PTPN14: variants seen among roughly 807,000 people sequenced by gnomAD.
PTPN14 encodes the protein protein tyrosine phosphatase non-receptor type 14, also known as tyrosine-protein phosphatase non-receptor type 14.
PTPN14 carries 53 observed loss-of-function variants against 126.8 expected under a neutral mutation model. The observed-to-expected ratio is 0.42, with a 90% CI of 0.34 to 0.53. The LOEUF is 0.53. Ranked by LOEUF, PTPN14 falls within the 20% of genes least tolerant of loss-of-function variation. The probability of loss-of-function intolerance (pLI) is 0.08; values close to 1 mark genes in which losing one functional copy is unlikely to be tolerated. For missense variants in PTPN14, 1,257 were observed against 1,552.9 expected (o/e 0.81, Z 3.20); for synonymous variants, 630 against 599.3 (o/e 1.05, Z -0.75).
intron 3 of PTPN14, among the ~76,000 whole-genome samples, chr1:214,447,317 C>G (rs1660167707): frequency 6.6e-6 from 1 of 152,150 alleles, no homozygotes; most frequent in African/African-American, 2.4e-5. Flanking sequence ...TTCCCAAAGG[C>G]TCTTAAGGAC....
Position 214,384,070 on chromosome 1 carries a change from C to A in PTPN14, c.1785G>T (p.Pro595=), listed in dbSNP as rs766987506. Residue 595 remains proline (P), a synonymous_variant, in exon 13 of 19, where the codon CCG becomes CCT. Coordinates refer to ENST00000366956, the MANE Select transcript of PTPN14 (RefSeq NM_005401.5). This position sits in a 1 kb window ranked among gnomAD's most constrained non-coding sequence, Gnocchi z 5.3. ...HRHKYVSGSS[P]DLVTRKVQLS... The stretch of plus-strand genomic sequence containing the variant: ...GCTGCACCTTCCGGGTCACCAGGTC[C>A]GGGCTGCTGCCGCTGACGTACTTGT... 6.3e-7 allele frequency: 1 copy of A among 1,578,630 alleles called. No homozygotes were observed. Among genetic ancestry groups the A allele is most frequent in the Non-Finnish European group, 8.6e-7 (1 of 1,165,098 alleles).
intron 3 of PTPN14, among the ~76,000 whole-genome samples, chr1:214,438,370 C>T (rs1659965836): frequency 6.6e-6 from 1 of 152,172 alleles, no homozygotes; most frequent in African/African-American, 2.4e-5. Context: ...AGATCTGCTC[C>T]CTCATATGGG....
At chr1:214,428,165 T>C (rs17022906) in intron 3 of PTPN14, among the ~76,000 whole-genome samples, 5,977 of 152,026 alleles carry the variant, frequency 0.039, 392 homozygotes, top group African/African-American at 0.14. Context: ...TCAGAAAAAA[T>C]GACAGCAGAC....
At chr1:214,404,630 T>C (rs936019233) in intron 5 of PTPN14, among the ~76,000 whole-genome samples, 8 of 152,182 alleles carry the variant, frequency 5.3e-5, no homozygotes, top group African/African-American at 1.7e-4. Flanking sequence ...TGTTCTCAAC[T>C]TAACCGCCTC....
chr1:214,426,032 C>CAAAAAAAAAAAAAAAAAAA (rs66656875), intron 3 of PTPN14, among the ~76,000 whole-genome samples: 1 of 33,850 alleles, frequency 3.0e-5, no homozygotes, highest in African/African-American at 1.2e-4. Context: ...GCATAAATCG[C>CAAAAAAAAAAAAAAAAAAA]AAAAAAAAAA....
intron 1 of PTPN14, chr1:214,533,443 C>A: frequency 2.3e-6 from 1 of 426,772 alleles, no homozygotes; most frequent in Non-Finnish European, 4.4e-6. Context: ...GTGTCTCAGT[C>A]CAACGACACT....
rs1657675046 is a variant in PTPN14 at position 214,350,168 on chromosome 1, CTAGG to C, written c.*7750_*7753del. ...GATGACCCGCTAATCTTTCCCCTTC[CTAGG>C]TAAGTGAAAACAGATAAAATGTTTC... On this transcript the variant is annotated 3_prime_UTR_variant, in exon 19 of 19. Coordinates refer to ENST00000366956, the MANE Select transcript of PTPN14 (RefSeq NM_005401.5). 6.6e-6 allele frequency: 1 copy of C among 152,158 alleles called. No homozygotes were observed. Among genetic ancestry groups the C allele is most frequent in the East Asian group, 1.9e-4 (1 of 5,196 alleles). The allele number at this position is 152,158 out of a possible 1,614,324, so 9.4% of individuals were successfully genotyped here.
intron 1 of PTPN14, among the ~76,000 whole-genome samples, chr1:214,497,801 G>C (rs1654567900): frequency 1.3e-5 from 2 of 151,852 alleles, no homozygotes; most frequent in Non-Finnish European, 2.9e-5. Flanking sequence ...TACATGCATA[G>C]GAAAAGTTCT....
intron 8 of PTPN14, among the ~76,000 whole-genome samples, chr1:214,397,238 A>C (rs1305902249): frequency 6.6e-6 from 1 of 152,210 alleles, no homozygotes; most frequent in Non-Finnish European, 1.5e-5. Context: ...CTGGATACAC[A>C]GATCCGCCTC....
intron 3 of PTPN14, among the ~76,000 whole-genome samples, chr1:214,445,561 A>C (rs1572004755): frequency 6.6e-6 from 1 of 151,292 alleles, no homozygotes; most frequent in South Asian, 2.1e-4. Flanking sequence ...TAAAAAAAAA[A>C]AAACCACAAA....
intron 1 of PTPN14, among the ~76,000 whole-genome samples, chr1:214,489,888 T>A (rs141338815): frequency 2.4e-4 from 36 of 152,338 alleles, no homozygotes; most frequent in Admixed American, 7.2e-4. Context: ...TTAACCTCTC[T>A]AAGCCTCAGT....
At chr1:214,508,795 G>A (rs188772910) in intron 1 of PTPN14, among the ~76,000 whole-genome samples, 2 of 152,288 alleles carry the variant, frequency 1.3e-5, no homozygotes, top group African/African-American at 4.8e-5. Flanking sequence ...CTTGATCCAT[G>A]GGTTGCTGAA....
At chr1:214,405,053 C>A (rs1046238627) in intron 5 of PTPN14, among the ~76,000 whole-genome samples, 58 of 152,218 alleles carry the variant, frequency 3.8e-4, no homozygotes, top group Non-Finnish European at 1.5e-4. Context: ...CAGGCCGACA[C>A]CTCTTCTAAC....
rs1258770553 is a variant in PTPN14, at chr1:214,355,069, A to G, written c.*2853T>C. ...AAAGGAATGCAAAATGTGCTAAAGA[A>G]CCAAAGGCATTTGTTTTTAAAAGTG... On this transcript the variant is annotated 3_prime_UTR_variant, in exon 19 of 19. Coordinates refer to ENST00000366956, the MANE Select transcript of PTPN14 (RefSeq NM_005401.5). 1 of 152,260 alleles carries G rather than the reference A, an allele frequency of 6.6e-6. No homozygotes were observed. Among genetic ancestry groups the G allele is most frequent in the Non-Finnish European group, 1.5e-5 (1 of 68,050 alleles). 9.4% of individuals were successfully genotyped at this position (152,260 alleles called of 1,614,324 possible).
rs777114092 is a variant in PTPN14, at chr1:214,464,841, C to G, written c.-38G>C. ...CTCGGACGCCGCCCGCCTATCCTGG[C>G]GCACACGCCCCTGAGATGGCCTTAG... is the stretch of plus-strand genomic sequence containing the variant. On this transcript the variant is annotated 5_prime_UTR_variant, in exon 2 of 19. Coordinates refer to ENST00000366956, the MANE Select transcript of PTPN14 (RefSeq NM_005401.5). 22 of 1,607,236 alleles carry G rather than the reference C, an allele frequency of 1.4e-5. No individual in the cohort carries two copies. The highest frequency in any genetic ancestry group is 5.0e-5 in the Admixed American group (3 of 59,862).
At chr1:214,405,502 T>C (rs1392555459) in intron 5 of PTPN14, among the ~76,000 whole-genome samples, 2 of 152,060 alleles carry the variant, frequency 1.3e-5, no homozygotes, top group Admixed American at 6.5e-5. Flanking sequence ...GAACTCACTA[T>C]GCGACATGTA....
chr1:214,500,957 A>C (rs548954407), intron 1 of PTPN14, among the ~76,000 whole-genome samples: 2 of 152,312 alleles, frequency 1.3e-5, no homozygotes, highest in African/African-American at 4.8e-5. Context: ...TACTGCTAGA[A>C]ACTATGTAAA....
intron 13 of PTPN14, among the ~76,000 whole-genome samples, chr1:214,378,483 A>T (rs1571959807): frequency 1.3e-5 from 2 of 152,360 alleles, no homozygotes; most frequent in East Asian, 3.9e-4. Flanking sequence ...GAACCATCTA[A>T]TCCAATCACA....
At chr1:214,402,782 G>A in intron 6 of PTPN14, 101 bp downstream of exon 6, 1 of 1,317,760 alleles carries the variant, frequency 7.6e-7, no homozygotes, top group South Asian at 1.2e-5. Flanking sequence ...CAAGTGTGTT[G>A]GCTCAAGCCC....
Sources: allele counts gnomAD v4.1 joint callset (sites outside exome capture counted in the v4.1 genomes callset), GRCh38; gene constraint gnomAD v4.1.1; non-coding constraint Gnocchi (gnomAD v3.1); transcripts MANE v1.5; gene names NCBI Gene and HGNC (gene_info 2026-07-23, HGNC 2026-07-21).